EPHA6: variants seen among roughly 807,000 people sequenced by gnomAD.
EPHA6 encodes EPH receptor A6.
Under a neutral mutation model 112.0 loss-of-function variants are expected in EPHA6, and 50 were observed. That is an observed-to-expected ratio of 0.45 (90% CI 0.36 to 0.56). The LOEUF (loss-of-function observed/expected upper bound fraction) is 0.56, where lower values mean the gene tolerates loss of function less well. Among genes scored for constraint, EPHA6 ranks in the 20% least tolerant of loss-of-function variants. The pLI is 0.00. For missense variants in EPHA6, 1,280 were observed against 1,417.4 expected (o/e 0.90, Z 1.56); for synonymous variants, 529 against 490.7 (o/e 1.08, Z -1.03).
At position 96,839,113 on chromosome 3, in the gene EPHA6, G is replaced by GT. The variant is rs1269436653; in HGVS notation, c.385+24112dup. 5.3e-5 allele frequency among the ~76,000 whole-genome samples: 8 copies of GT among 152,174 alleles called. No homozygotes were observed. The East Asian group carries it at 1.2e-3, about 22-fold the overall frequency. ...ATAAATTGGAAATCCAAAGGTAAAA[G>GT]TTTTTTTATTTGTACATTTAAACTT... On this transcript the variant is annotated intron_variant, in intron 1 of 17. Transcript: ENST00000389672.
chr3:97,540,531 G>T (rs1261444039), intron 11 of EPHA6, among the ~76,000 whole-genome samples: 1 of 152,054 alleles, frequency 6.6e-6, no homozygotes, highest in East Asian at 1.9e-4. Context: ...TAAATATCTG[G>T]GTTTTCTCAA....
At chr3:97,292,649 G>T (rs2080729264) in intron 5 of EPHA6, among the ~76,000 whole-genome samples, 1 of 152,228 alleles carries the variant, frequency 6.6e-6, no homozygotes, top group Non-Finnish European at 1.5e-5. Flanking sequence ...GTGGTGGGTA[G>T]CTCCTTTTCA....
At chr3:97,702,182 A>AT (rs906952879) in intron 14 of EPHA6, among the ~76,000 whole-genome samples, 4 of 152,164 alleles carry the variant, frequency 2.6e-5, no homozygotes, top group Admixed American at 2.6e-4. Context: ...ACTTACATGG[A>AT]TTTTGAGGGT....
chr3:96,885,341 A>C (rs2107523524), intron 2 of EPHA6, among the ~76,000 whole-genome samples: 1 of 152,248 alleles, frequency 6.6e-6, no homozygotes, highest in South Asian at 2.1e-4. Flanking sequence ...ATTCTGCTGT[A>C]AATCCCTCTT....
chr3:97,328,814 T>TTTA (rs1294701852), intron 5 of EPHA6, among the ~76,000 whole-genome samples: 1 of 152,000 alleles, frequency 6.6e-6, no homozygotes, highest in African/African-American at 2.4e-5. Context: ...TATTTTTCTT[T>TTTA]TTATTATTAT....
intron 6 of EPHA6, among the ~76,000 whole-genome samples, chr3:97,422,286 T>C (rs2088722253): frequency 6.6e-6 from 1 of 152,020 alleles, no homozygotes; most frequent in Non-Finnish European, 1.5e-5. Context: ...GTAAAACTAT[T>C]AGAAAAAGAA....
At chr3:97,410,249 C>T (rs2107112771) in intron 6 of EPHA6, among the ~76,000 whole-genome samples, 1 of 152,058 alleles carries the variant, frequency 6.6e-6, no homozygotes, top group Admixed American at 6.6e-5. Flanking sequence ...AATAATTATC[C>T]CTCATTTTTC....
intron 11 of EPHA6, among the ~76,000 whole-genome samples, chr3:97,562,953 T>C (rs1288154557): frequency 6.6e-6 from 1 of 152,146 alleles, no homozygotes; most frequent in Admixed American, 6.6e-5. Context: ...TTAAACCAAA[T>C]ACAAAATATG....
At chr3:96,935,663 C>T (rs1576088411) in intron 2 of EPHA6, among the ~76,000 whole-genome samples, 1 of 147,840 alleles carries the variant, frequency 6.8e-6, no homozygotes, top group Non-Finnish European at 1.5e-5. Context: ...TATAACAGTT[C>T]AACTTGCCTT....
intron 6 of EPHA6, among the ~76,000 whole-genome samples, chr3:97,434,974 C>T (rs745812597): frequency 4.0e-5 from 6 of 148,674 alleles, no homozygotes; most frequent in East Asian, 4.1e-4. Context: ...TTCCACATAG[C>T]GTTGCAGTCT....
intron 3 of EPHA6, among the ~76,000 whole-genome samples, chr3:97,034,192 T>C (rs1457073683): frequency 1.3e-5 from 2 of 152,056 alleles, no homozygotes; most frequent in Middle Eastern, 3.4e-3. Flanking sequence ...CATAATCAAA[T>C]TATTCTGATA....
At chr3:96,986,215 A>G (rs914753752) in intron 2 of EPHA6, among the ~76,000 whole-genome samples, 3 of 152,186 alleles carry the variant, frequency 2.0e-5, no homozygotes, top group Non-Finnish European at 2.9e-5. Context: ...CTTTCAGGGT[A>G]CCCAAATATT....
chr3:97,718,525 T>A (rs1326744429), intron 14 of EPHA6, among the ~76,000 whole-genome samples: 2 of 152,192 alleles, frequency 1.3e-5, no homozygotes, highest in East Asian at 3.9e-4. Flanking sequence ...AATTCCCTTG[T>A]GGAACATACT....
chr3:97,423,428 A>G (rs1283620314), intron 6 of EPHA6, among the ~76,000 whole-genome samples: 1 of 152,208 alleles, frequency 6.6e-6, no homozygotes, highest in African/African-American at 2.4e-5. Flanking sequence ...TAAAATACCT[A>G]AGAATACATC....
intron 2 of EPHA6, among the ~76,000 whole-genome samples, chr3:96,888,586 T>C (rs2037770895): frequency 1.3e-5 from 2 of 152,194 alleles, no homozygotes; most frequent in Non-Finnish European, 2.9e-5. Context: ...GCCTGAGCTC[T>C]ATGTTGAACT....
At chr3:97,168,547 T>C (rs937882573) in intron 3 of EPHA6, among the ~76,000 whole-genome samples, 8 of 151,710 alleles carry the variant, frequency 5.3e-5, no homozygotes, top group Non-Finnish European at 1.5e-5. Flanking sequence ...CTCTCTCTCT[T>C]TCTTTCTTTT....
Position 97,448,678 on chromosome 3 carries a change from G to A in EPHA6, c.1842G>A (p.Ala614=), listed in dbSNP as rs56147502. ...TATTTCACATCCGAGTGAGAACTGC[G>A]ACAGGATACAGTGGCTACAGTCAGA... ...KYVFHIRVRT[A]TGYSGYSQKF... is the part of the protein sequence containing the mutation. Residue 614 remains alanine (A), a synonymous_variant, in exon 7 of 18, where the codon GCG becomes GCA. Transcript: ENST00000389672. 2.7e-3 allele frequency: 4,375 copies of A among 1,613,462 alleles called. 14 individuals carry two copies. The highest frequency in any genetic ancestry group is 3.3e-3 in the Non-Finnish European group (3,862 of 1,179,556).
chr3:97,215,034 T>G (rs185053708), intron 3 of EPHA6, among the ~76,000 whole-genome samples: 125 of 152,344 alleles, frequency 8.2e-4, no homozygotes, highest in Non-Finnish European at 1.4e-3. Flanking sequence ...TCATGCAGGT[T>G]TATCTAAACT....
chr3:96,876,172 G>A lies in EPHA6; in HGVS notation c.450+9283G>A, dbSNP rs1228103885. On this transcript the variant is annotated intron_variant, in intron 2 of 17. Transcript: ENST00000389672. ...TGTAGAGATGGGGAGGTCTTGCTAT[G>A]TTGTGCAGACTGGTCTCAAACTCCT... Among the ~76,000 whole-genome samples the A allele has an allele frequency of 2.1e-5, 3 of 145,390 alleles. No individual in the cohort carries two copies. The East Asian group carries it at 6.0e-4, about 29-fold the overall frequency.
Sources: allele counts gnomAD v4.1 joint callset (sites outside exome capture counted in the v4.1 genomes callset), GRCh38; gene constraint gnomAD v4.1.1; transcripts MANE v1.5; gene names NCBI Gene and HGNC (gene_info 2026-07-23, HGNC 2026-07-21).